The following ADCY2 variants were observed in gnomAD, a reference collection of about 807,000 sequenced individuals.
ADCY2 encodes the protein adenylate cyclase type 2.
ADCY2 carries 31 observed loss-of-function variants against 125.2 expected under a neutral mutation model. The ratio of observed to expected loss-of-function variants is 0.25; its 90% confidence interval spans 0.19 to 0.33. The LOEUF (loss-of-function observed/expected upper bound fraction) is 0.33, where lower values mean the gene tolerates loss of function less well. Ranked by LOEUF, ADCY2 falls within the 10% of genes least tolerant of loss-of-function variation. The pLI, the probability that ADCY2 is intolerant of heterozygous loss-of-function variation, is 1.00. For synonymous variants in ADCY2, 512 were observed against 548.4 expected, an observed-to-expected ratio of 0.93 and a Z score of 0.93; for missense variants, 904 against 1,418.2, an observed-to-expected ratio of 0.64 and a Z score of 5.82.
At chr5:7,598,650 G>A (rs1011952662) in intron 3 of ADCY2, among the ~76,000 whole-genome samples, 4 of 152,168 alleles carry the variant, frequency 2.6e-5, no homozygotes, top group Non-Finnish European at 4.4e-5. Flanking sequence ...GCTAGGTGTG[G>A]GTGCTGGGGG....
chr5:7,696,759 A>G (rs1416832467), intron 6 of ADCY2, among the ~76,000 whole-genome samples: 3 of 152,100 alleles, frequency 2.0e-5, no homozygotes, highest in Non-Finnish European at 4.4e-5. Context: ...AGATGTTAGC[A>G]TGATCATTCT....
intron 2 of ADCY2, among the ~76,000 whole-genome samples, chr5:7,515,022 A>G (rs746301624): frequency 1.8e-4 from 27 of 152,228 alleles, no homozygotes; most frequent in Non-Finnish European, 3.4e-4. Flanking sequence ...TGAAGAAGCC[A>G]TGAAATCATT....
chr5:7,557,178 C>A (rs1735546940), intron 3 of ADCY2, among the ~76,000 whole-genome samples: 2 of 81,266 alleles, frequency 2.5e-5, no homozygotes, highest in Admixed American at 1.1e-4. Flanking sequence ...AATAATCACA[C>A]ATATTATATA....
At chr5:7,683,902 G>C (rs1389230369) in intron 4 of ADCY2, among the ~76,000 whole-genome samples, 1 of 152,140 alleles carries the variant, frequency 6.6e-6, no homozygotes, top group Non-Finnish European at 1.5e-5. Context: ...GATATTATCA[G>C]CATCTCCACT....
At chr5:7,815,123 C>T (rs462361) in intron 22 of ADCY2, among the ~76,000 whole-genome samples, 18,067 of 152,204 alleles carry the variant, frequency 0.12, 3,468 homozygotes, top group African/African-American at 0.4. Flanking sequence ...CAAAGCCTAA[C>T]CAGTCCGTGT....
At chr5:7,644,453 C>T (rs577372393) in intron 4 of ADCY2, among the ~76,000 whole-genome samples, 3 of 152,212 alleles carry the variant, frequency 2.0e-5, no homozygotes, top group Non-Finnish European at 4.4e-5. Flanking sequence ...CTCTAGGACT[C>T]TGCACAGGGG....
chr5:7,673,795 A>G (rs2914303), intron 4 of ADCY2, among the ~76,000 whole-genome samples: 150,086 of 152,302 alleles, frequency 0.99, 73,988 homozygotes, highest in East Asian at 1. Context: ...GCCTCAGAGC[A>G]GGGCTGGGAG....
chr5:7,667,084 C>T (rs1328883980), intron 4 of ADCY2, among the ~76,000 whole-genome samples: 1 of 152,168 alleles, frequency 6.6e-6, no homozygotes, highest in East Asian at 1.9e-4. Flanking sequence ...CGGCAAGACT[C>T]ATGCTCGGGT....
At chr5:7,627,374 G>A (rs1738169578) in intron 4 of ADCY2, among the ~76,000 whole-genome samples, 1 of 152,218 alleles carries the variant, frequency 6.6e-6, no homozygotes, top group African/African-American at 2.4e-5. Flanking sequence ...AGGCACAACA[G>A]ATGTACATGG....
intron 2 of ADCY2, among the ~76,000 whole-genome samples, chr5:7,461,450 G>A (rs1478627131): frequency 6.6e-6 from 1 of 152,170 alleles, no homozygotes; most frequent in African/African-American, 2.4e-5. Context: ...AATATTTTAG[G>A]TACATTCAGA....
intron 12 of ADCY2, among the ~76,000 whole-genome samples, chr5:7,721,168 T>C (rs1561186897): frequency 2.6e-5 from 4 of 152,234 alleles, no homozygotes; most frequent in Non-Finnish European, 5.9e-5. Flanking sequence ...CATTTTTTCA[T>C]GTGTCTGTTG....
chr5:7,528,398 G>T (rs890391176), intron 3 of ADCY2, among the ~76,000 whole-genome samples: 1 of 142,006 alleles, frequency 7.0e-6, no homozygotes, highest in African/African-American at 2.5e-5. Flanking sequence ...CTTTCATGTT[G>T]GTAACTAACA....
chr5:7,434,579 C>G (rs944757160), intron 2 of ADCY2, among the ~76,000 whole-genome samples: 1 of 152,234 alleles, frequency 6.6e-6, no homozygotes, highest in Non-Finnish European at 1.5e-5. Flanking sequence ...GACATATAAA[C>G]TCCACATGCT....
At chr5:7,477,743 A>T (rs1047913230) in intron 2 of ADCY2, among the ~76,000 whole-genome samples, 2 of 152,186 alleles carry the variant, frequency 1.3e-5, no homozygotes, top group African/African-American at 4.8e-5. Context: ...ATCAGAACTA[A>T]GTCTAGAGAA....
Position 7,804,683 on chromosome 5 carries a change from G to C in ADCY2, c.2874G>C (p.Glu958Asp), listed in dbSNP as rs772107106. ...ATGLSAVPSQ[E>D]HSQEPERQYM... ...GTCTGAGCGCTGTGCCCAGCCAGGA[G>C]CACTCCCAGGTAAGACGCGTTGGCC... The change falls in exon 22 of 25, where the codon GAG becomes GAC. Residue 958 changes from glutamate to aspartate, a missense_variant. Transcript: ENST00000338316. The C allele has an allele frequency of 1.1e-5, 18 of 1,613,842 alleles. No individual in the cohort carries two copies. Among genetic ancestry groups the C allele is most frequent in the Non-Finnish European group, 1.4e-5 (16 of 1,179,870 alleles).
At chr5:7,534,964 T>C (rs1270413148) in intron 3 of ADCY2, among the ~76,000 whole-genome samples, 2 of 152,320 alleles carry the variant, frequency 1.3e-5, no homozygotes, top group African/African-American at 4.8e-5. Flanking sequence ...GTTTCCCACC[T>C]CTCCTTCTGT....
intron 4 of ADCY2, among the ~76,000 whole-genome samples, chr5:7,677,260 A>G (rs900552991): frequency 6.6e-6 from 1 of 152,134 alleles, no homozygotes; most frequent in Non-Finnish European, 1.5e-5. Context: ...CCTGAGCAAC[A>G]AAAGAGAAAC....
intron 4 of ADCY2, among the ~76,000 whole-genome samples, chr5:7,676,516 TAA>T (rs33974520): frequency 5.7e-4 from 69 of 120,780 alleles, no homozygotes; most frequent in Admixed American, 1.0e-3. Context: ...CAACATGAAT[TAA>T]AAAAAAAATA....
intron 5 of ADCY2, among the ~76,000 whole-genome samples, chr5:7,693,748 G>A (rs1740798924): frequency 6.6e-6 from 1 of 152,138 alleles, no homozygotes; most frequent in Non-Finnish European, 1.5e-5. Context: ...AAATCCCTTT[G>A]CTGTAACATA....
Sources: allele counts gnomAD v4.1 joint callset (sites outside exome capture counted in the v4.1 genomes callset), GRCh38; gene constraint gnomAD v4.1.1; transcripts MANE v1.5; gene names NCBI Gene and HGNC (gene_info 2026-07-23, HGNC 2026-07-21).